MROH2B: variants seen among roughly 807,000 people sequenced by gnomAD.
The protein encoded by MROH2B is maestro heat like repeat family member 2B, also known as maestro heat-like repeat-containing protein family member 2B.
Under a neutral mutation model 208.6 loss-of-function variants are expected in MROH2B, and 177 were observed. The ratio of observed to expected loss-of-function variants is 0.85; its 90% CI spans 0.75 to 0.96. The LOEUF (loss-of-function observed/expected upper bound fraction) is 0.96. MROH2B is among the 40% of genes least tolerant of loss of function. MROH2B has a pLI of 0.00. For synonymous variants in MROH2B, 728 were observed against 659.0 expected, an observed-to-expected ratio of 1.10 and a Z score of -1.60; for missense variants, 2,002 against 1,878.7, an observed-to-expected ratio of 1.07 and a Z score of -1.21.
rs1381750985 is a variant in MROH2B at position 41,071,143 on chromosome 5, A to C, written c.-291T>G. ...CAAATATTGTCCCTTTGGTGACCAG[A>C]GTATTTGGGAAAGAAGTAATTAGAG... On this transcript the variant is annotated 5_prime_UTR_variant, in exon 1 of 42. Coordinates refer to ENST00000399564, the MANE Select transcript of MROH2B (RefSeq NM_173489.5). The C allele has an allele frequency of 5.7e-6, 2 of 350,510 alleles. No homozygotes were observed. The highest frequency in any genetic ancestry group is 4.1e-5 in the African/African-American group (2 of 48,228). 21.7% of individuals were successfully genotyped at this position (350,510 alleles called of 1,614,324 possible).
chr5:41,050,943 A>G, intron 13 of MROH2B, 34 bp downstream of exon 13: 1 of 1,385,110 alleles, frequency 7.2e-7, no homozygotes, highest in South Asian at 1.3e-5. Context: ...AAGGTGATCA[A>G]AGTAACTGTA....
intron 2 of MROH2B, among the ~76,000 whole-genome samples, chr5:41,067,555 C>T (rs1175139088): frequency 6.6e-6 from 1 of 151,880 alleles, no homozygotes; most frequent in Non-Finnish European, 1.5e-5. Context: ...TTAGTAGAGA[C>T]GGGGTTTTTG....
At chr5:41,000,121 G>T in intron 39 of MROH2B, 99 bp downstream of exon 39, 1 of 1,503,380 alleles carries the variant, frequency 6.7e-7, no homozygotes, top group Non-Finnish European at 9.0e-7. Context: ...GGCAGTTCTG[G>T]CTCTGGCCAG....
At chr5:41,033,005 C>A in intron 23 of MROH2B, 36 bp downstream of exon 23, 1 of 1,611,118 alleles carries the variant, frequency 6.2e-7, no homozygotes. Context: ...TAATGGAATA[C>A]TCAGGGCCTT....
chr5:41,067,994 T>A (rs772111199), intron 2 of MROH2B, among the ~76,000 whole-genome samples: 2 of 152,190 alleles, frequency 1.3e-5, no homozygotes, highest in Non-Finnish European at 2.9e-5. Flanking sequence ...CATTCATGCC[T>A]CTGCAGACAG....
intron 29 of MROH2B, among the ~76,000 whole-genome samples, chr5:41,013,609 A>G (rs1363241627): frequency 2.0e-5 from 3 of 152,166 alleles, no homozygotes; most frequent in African/African-American, 7.2e-5. Context: ...CATCCAAACC[A>G]TTTGCTGAGT....
In MROH2B at chr5:41,012,650, C is replaced by A; in HGVS notation, c.3068G>T (p.Cys1023Phe). Residue 1023 changes from cysteine (C) to phenylalanine (F), a missense_variant, in exon 30 of 42, where the codon TGT (cysteine) becomes TTT (phenylalanine). Transcript: ENST00000399564. ...LDGLESLNPTCTKACGIWMIT... is the reference protein window; with the variant it reads ...LDGLESLNPTFTKACGIWMIT... The stretch of plus-strand genomic sequence containing the variant: ...CATCCATATGCCACAGGCCTTTGTA[C>A]AAGTGGGGTTGAGGCTCTCCAGACC... 1 of 1,613,886 alleles carries A rather than the reference C, an allele frequency of 6.2e-7. No individual in the cohort carries two copies. Among genetic ancestry groups the A allele is most frequent in the East Asian group, 2.2e-5 (1 of 44,872 alleles).
rs2111805480 is a variant in MROH2B, at chr5:41,004,844, T to C, written c.3941A>G (p.Asp1314Gly). 6.2e-7 allele frequency: 1 copy of C among 1,613,882 alleles called. No homozygotes were observed. The highest frequency in any genetic ancestry group is 1.1e-5 in the South Asian group (1 of 91,078). ...CATCTGCCTCAGAGTGGCGTTGGAG[T>C]CCCAGGCACTTTGATCCATCAAGAT... is the stretch of plus-strand genomic sequence containing the variant. The part of the protein sequence containing the change: ...VLILMDQSAW[D>G]SNATLRQMAI... Residue 1314 changes from aspartate to glycine, a missense_variant, in exon 36 of 42, where the codon GAC becomes GGC. Asp to Gly is a moderately conservative substitution (Grantham distance 94). Coordinates refer to ENST00000399564, the MANE Select transcript of MROH2B (RefSeq NM_173489.5).
intron 12 of MROH2B, among the ~76,000 whole-genome samples, chr5:41,051,320 G>C (rs1264230512): frequency 6.6e-6 from 1 of 152,186 alleles, no homozygotes. Context: ...AACAGAAATT[G>C]TGAGGCTCCT....
intron 12 of MROH2B, 58 bp from the exon 13 acceptor site, chr5:41,051,148 A>T: frequency 8.6e-7 from 1 of 1,160,570 alleles, no homozygotes; most frequent in Non-Finnish European, 1.2e-6. Flanking sequence ...GTCCCCTCTG[A>T]CTTTCCTTGG....
At chr5:41,022,548 C>T (rs867139270) in intron 24 of MROH2B, among the ~76,000 whole-genome samples, 6 of 152,162 alleles carry the variant, frequency 3.9e-5, no homozygotes, top group African/African-American at 7.2e-5. Context: ...ACAAAACGAC[C>T]GAGAAGCTCG....
chr5:41,015,602 T>G, intron 28 of MROH2B, 124 bp from the exon 29 acceptor site: 3 of 742,188 alleles, frequency 4.0e-6, no homozygotes, highest in Non-Finnish European at 4.4e-6. Flanking sequence ...ACATAAGCGC[T>G]AACACATACT....
intron 24 of MROH2B, among the ~76,000 whole-genome samples, chr5:41,029,674 A>C (rs1742498992): frequency 6.6e-6 from 1 of 152,180 alleles, no homozygotes; most frequent in African/African-American, 2.4e-5. Context: ...TTAAACTCTA[A>C]GAAGAAAATA....
chr5:41,022,449 C>T (rs371916233), intron 24 of MROH2B, among the ~76,000 whole-genome samples: 2 of 152,242 alleles, frequency 1.3e-5, no homozygotes, highest in African/African-American at 2.4e-5. Flanking sequence ...GCCTTGCTCA[C>T]TGCTAGCACA....
chr5:41,000,701 C>A lies in MROH2B; in HGVS notation c.4327G>T (p.Asp1443Tyr), dbSNP rs1173167924. Residue 1443 changes from aspartate to tyrosine, a missense_variant, in exon 38 of 42, where the codon GAT becomes TAT. Physicochemically the swap from Asp to Tyr is radical, Grantham distance 160. Transcript: ENST00000399564. ...ACAACTCCAATCTTGGGGTTGGGAT[C>A]CCAAAGGTGCAGAAGGAATGAAATC... ...SLISFLLHLW[D>Y]PNPKIGVACR... is the part of the protein sequence containing the mutation. 6.2e-7 allele frequency: 1 copy of A among 1,611,932 alleles called. No homozygotes were observed. Among genetic ancestry groups the A allele is most frequent in the Admixed American group, 1.7e-5 (1 of 59,774 alleles).
At chr5:41,047,684 T>C in intron 17 of MROH2B, 37 bp downstream of exon 17, 1 of 1,561,916 alleles carries the variant, frequency 6.4e-7, no homozygotes, top group South Asian at 1.2e-5. Context: ...GATTTCATCA[T>C]GCCATTATTA....
chr5:41,038,817 A>C lies in MROH2B; in HGVS notation c.2133T>G (p.His711Gln). 1 of 1,613,736 alleles carries C rather than the reference A, an allele frequency of 6.2e-7. No individual in the cohort carries two copies. The highest frequency in any genetic ancestry group is 8.5e-7 in the Non-Finnish European group (1 of 1,179,740). The change falls in exon 21 of 42, where the codon CAT (histidine) becomes CAG (glutamine). Residue 711 changes from histidine (H) to glutamine (Q), a missense_variant. By Grantham distance (24) the His-to-Gln change is conservative (BLOSUM62 0). Coordinates refer to ENST00000399564, the MANE Select transcript of MROH2B (RefSeq NM_173489.5). Reference protein sequence around the residue: ...VMVIYGAVALHAPKKQLLSRL... With the variant: ...VMVIYGAVALQAPKKQLLSRL... ...TGGAGAGAAGTTGCTTCTTGGGAGCATGGAGGGCCACTGCTCCATAGATGA... is the reference window on the plus strand; with the variant it reads ...TGGAGAGAAGTTGCTTCTTGGGAGCCTGGAGGGCCACTGCTCCATAGATGA...
At chr5:41,063,298 A>G (rs532943540) in intron 5 of MROH2B, among the ~76,000 whole-genome samples, 1 of 152,338 alleles carries the variant, frequency 6.6e-6, no homozygotes, top group East Asian at 1.9e-4. Context: ...GGGTTAGTGT[A>G]GTATAGCTGC....
At chr5:41,007,598 G>T in intron 33 of MROH2B, 144 bp from the exon 34 acceptor site, 1 of 746,232 alleles carries the variant, frequency 1.3e-6, no homozygotes, top group Non-Finnish European at 1.9e-6. Flanking sequence ...GCAGCCCTAT[G>T]CTCACATTTT....
Sources: allele counts gnomAD v4.1 joint callset (sites outside exome capture counted in the v4.1 genomes callset), GRCh38; gene constraint gnomAD v4.1.1; transcripts MANE v1.5; gene names NCBI Gene and HGNC (gene_info 2026-07-23, HGNC 2026-07-21).